ZBTB7C: variants seen among roughly 807,000 people sequenced by gnomAD.
The protein encoded by ZBTB7C is zinc finger and BTB domain containing 7C.
In ZBTB7C, 8 loss-of-function variants were observed where a neutral mutation model predicts 25.7. The ratio of observed to expected loss-of-function variants is 0.31; its 90% confidence interval spans 0.18 to 0.56. The LOEUF (loss-of-function observed/expected upper bound fraction) is 0.56, where lower values mean the gene tolerates loss of function less well. Ranked by LOEUF, ZBTB7C falls within the 20% of genes least tolerant of loss-of-function variation. The pLI, the probability that ZBTB7C is intolerant of heterozygous loss-of-function variation, is 0.91. For missense variants in ZBTB7C, 824 were observed against 855.2 expected (o/e 0.96, Z 0.46); for synonymous variants, 394 against 369.0 (o/e 1.07, Z -0.78).
intron 2 of ZBTB7C, among the ~76,000 whole-genome samples, chr18:48,255,524 T>G (rs2043995574): frequency 6.6e-6 from 1 of 152,294 alleles, no homozygotes; most frequent in South Asian, 2.1e-4. Flanking sequence ...TATCTGACCT[T>G]CCAAGAAATT....
At position 48,068,255 on chromosome 18, in the gene ZBTB7C, C is replaced by T. The variant is rs1338047487; in HGVS notation, c.-16-27132G>A. The stretch of plus-strand genomic sequence containing the variant: ...CCGGGTTCACACCATTCTCTTGCCT[C>T]AGCCTCCCGAGTAGCTGGGACTACT... On this transcript the variant is annotated intron_variant, in intron 3 of 4. Transcript: ENST00000590800. Among the ~76,000 whole-genome samples the T allele has an allele frequency of 3.3e-5, 5 of 151,316 alleles. No individual in the cohort carries two copies. The East Asian group carries it at 9.9e-4, about 30-fold the overall frequency.
chr18:48,132,752 C>A (rs761893542), intron 3 of ZBTB7C, among the ~76,000 whole-genome samples: 30 of 152,344 alleles, frequency 2.0e-4, no homozygotes, highest in Non-Finnish European at 3.8e-4. Context: ...TCTCCAGTGA[C>A]CTCTTCCAGT....
intron 3 of ZBTB7C, among the ~76,000 whole-genome samples, chr18:48,051,236 G>A (rs973066601): frequency 6.6e-6 from 1 of 152,230 alleles, no homozygotes; most frequent in Non-Finnish European, 1.5e-5. Flanking sequence ...GGCTGGACTT[G>A]AAGGGTACCG....
intron 3 of ZBTB7C, among the ~76,000 whole-genome samples, chr18:48,110,382 C>T (rs76339752): frequency 0.014 from 2,086 of 152,282 alleles, 43 homozygotes; most frequent in African/African-American, 0.047. Context: ...CTGGGCACCT[C>T]TTAGCCAGCC....
At chr18:48,253,150 G>A (rs577829676) in intron 2 of ZBTB7C, among the ~76,000 whole-genome samples, 3 of 152,226 alleles carry the variant, frequency 2.0e-5, no homozygotes, top group Non-Finnish European at 4.4e-5. Context: ...TGGGTGAATA[G>A]GCAGAGCCTT....
At chr18:48,179,677 TTC>T (rs1418427757) in intron 3 of ZBTB7C, among the ~76,000 whole-genome samples, 1 of 28,974 alleles carries the variant, frequency 3.5e-5, no homozygotes, top group Non-Finnish European at 1.1e-4. Context: ...TTCTCTCTCC[TTC>T]CTTCCTTCCT....
chr18:48,324,716 A>G (rs1268906621), intron 2 of ZBTB7C, among the ~76,000 whole-genome samples: 1 of 152,202 alleles, frequency 6.6e-6, no homozygotes, highest in African/African-American at 2.4e-5. Flanking sequence ...GGGTTTAAAT[A>G]AGAGAATGAC....
Position 48,040,925 on chromosome 18 carries a change from C to T in ZBTB7C, c.183G>A (p.Lys61=), listed in dbSNP as rs1258273914. The stretch of plus-strand genomic sequence containing the variant: ...TGGCTAGGGTGCCGGCTGTGAAAAG[C>T]TTCTTGAAGTACTTGCTGCAGGCAG... ...VLAACSKYFK[K]LFTAGTLASQ... is the part of the protein sequence containing the mutation. The change falls in exon 4 of 5, where the codon AAG becomes AAA. Residue 61 remains lysine, a synonymous_variant. Transcript: ENST00000590800. The T allele has an allele frequency of 6.2e-7, 1 of 1,614,074 alleles. No homozygotes were observed. The highest frequency in any genetic ancestry group is 2.2e-5 in the East Asian group (1 of 44,878).
At chr18:48,176,794 G>A (rs1599035926) in intron 3 of ZBTB7C, among the ~76,000 whole-genome samples, 1 of 152,238 alleles carries the variant, frequency 6.6e-6, no homozygotes, top group Admixed American at 6.5e-5. Context: ...TTAAATGTAT[G>A]TTCCAATATT....
chr18:48,237,265 G>A (rs1263508382), intron 2 of ZBTB7C, among the ~76,000 whole-genome samples: 1 of 152,116 alleles, frequency 6.6e-6, no homozygotes, highest in Non-Finnish European at 1.5e-5. Flanking sequence ...CACAGGAAAT[G>A]ATGCAAAGAG....
At chr18:48,408,996 C>T (rs1329539777) in intron 1 of ZBTB7C, among the ~76,000 whole-genome samples, 1 of 151,198 alleles carries the variant, frequency 6.6e-6, no homozygotes, top group Non-Finnish European at 1.5e-5. Flanking sequence ...CACCGCAGCC[C>T]CCCGCCTCCT....
chr18:48,322,745 T>A (rs1425293999), intron 2 of ZBTB7C, among the ~76,000 whole-genome samples: 1 of 152,192 alleles, frequency 6.6e-6, no homozygotes, highest in Non-Finnish European at 1.5e-5. Context: ...TACTTGCACT[T>A]GCATGTTTAT....
intron 2 of ZBTB7C, chr18:48,252,446 C>T (rs1437879982): frequency 6.6e-6 from 1 of 152,156 alleles, no homozygotes; most frequent in South Asian, 2.1e-4. Flanking sequence ...GGAAAAGTTA[C>T]TTCCTCTCTC....
chr18:48,119,392 A>C (rs2144712126), intron 3 of ZBTB7C, among the ~76,000 whole-genome samples: 1 of 152,340 alleles, frequency 6.6e-6, no homozygotes, highest in Non-Finnish European at 1.5e-5. Flanking sequence ...AGTGCAAGCG[A>C]GTCTTTGTTC....
intron 2 of ZBTB7C, among the ~76,000 whole-genome samples, chr18:48,220,488 G>C (rs1445617612): frequency 6.6e-6 from 1 of 152,138 alleles, no homozygotes; most frequent in South Asian, 2.1e-4. Flanking sequence ...ATGGTGCTGG[G>C]GGCAGGGATG....
chr18:48,248,747 T>C (rs771538165), intron 2 of ZBTB7C, among the ~76,000 whole-genome samples: 2 of 152,114 alleles, frequency 1.3e-5, no homozygotes, highest in Non-Finnish European at 2.9e-5. Context: ...GAAAGGCATA[T>C]AAAACACACA....
At chr18:48,230,052 A>G (rs976370133) in intron 2 of ZBTB7C, among the ~76,000 whole-genome samples, 4 of 152,218 alleles carry the variant, frequency 2.6e-5, no homozygotes, top group African/African-American at 9.6e-5. Flanking sequence ...ATTAGTTTGC[A>G]TTTTCTAAAT....
chr18:48,077,057 A>C (rs2037791973), intron 3 of ZBTB7C: 3 of 517,046 alleles, frequency 5.8e-6, no homozygotes, highest in Non-Finnish European at 6.9e-6. Flanking sequence ...ATATGTTGTT[A>C]TATGCAAAAA....
intron 2 of ZBTB7C, among the ~76,000 whole-genome samples, chr18:48,287,390 G>A (rs1439936439): frequency 6.6e-6 from 1 of 152,154 alleles, no homozygotes; most frequent in Non-Finnish European, 1.5e-5. Flanking sequence ...AAAATCTGAA[G>A]AGTCTTCCAA....
Sources: allele counts gnomAD v4.1 joint callset (sites outside exome capture counted in the v4.1 genomes callset), GRCh38; gene constraint gnomAD v4.1.1; transcripts MANE v1.5; gene names NCBI Gene and HGNC (gene_info 2026-07-23, HGNC 2026-07-21).